Variants in MIA2 observed in about 807,000 individuals in gnomAD.
The protein encoded by MIA2 is MIA SH3 domain ER export factor 2.
In MIA2, 127 loss-of-function variants were observed where a neutral mutation model predicts 167.8. That is an observed-to-expected ratio of 0.76 (90% CI 0.66 to 0.88). The LOEUF is 0.88. Ranked by LOEUF, MIA2 falls within the 40% of genes least tolerant of loss-of-function variation. MIA2 has a pLI of 0.00. For synonymous variants in MIA2, 552 were observed against 541.9 expected (o/e 1.02, Z -0.26); for missense variants, 1,690 against 1,624.7 (o/e 1.04, Z -0.69).
In MIA2 at chr14:39,318,199, G is replaced by A. The variant is rs542970201; in HGVS notation, c.3284+188G>A. On this transcript the variant is annotated intron_variant, in intron 22 of 28. Coordinates refer to ENST00000640607, the MANE Select transcript of MIA2 (RefSeq NM_001329214.4). The stretch of plus-strand genomic sequence containing the variant: ...AGTACTTGTCTTAGGTCACTGAAGT[G>A]GCACTTGGAGGAAACTGTTAACAGA... Among the ~76,000 whole-genome samples the A allele has an allele frequency of 5.9e-5, 9 of 152,254 alleles. No individual in the cohort carries two copies. The South Asian group carries it at 1.9e-3, about 32-fold the overall frequency.
At chr14:39,276,896 A>G in intron 6 of MIA2, 38 bp from the exon 7 acceptor site, 1 of 1,601,224 alleles carries the variant, frequency 6.2e-7, no homozygotes, top group African/African-American at 1.4e-5. Flanking sequence ...TTTTACCAAA[A>G]GTACATTTTT....
chr14:39,292,255 A>G (rs1039030696), intron 10 of MIA2, among the ~76,000 whole-genome samples: 1 of 152,222 alleles, frequency 6.6e-6, no homozygotes, highest in African/African-American at 2.4e-5. Context: ...AGTAGGTAGC[A>G]AAGACATTTA....
chr14:39,359,020 G>A (rs2074607334), intron 23 of MIA2, among the ~76,000 whole-genome samples: 1 of 152,222 alleles, frequency 6.6e-6, no homozygotes, highest in Non-Finnish European at 1.5e-5. Context: ...TGAGGAGGCA[G>A]TCTGTCTGTT....
chr14:39,299,068 T>TAAAAAAA (rs3065043), intron 13 of MIA2, among the ~76,000 whole-genome samples: 27 of 44,022 alleles, frequency 6.1e-4, no homozygotes, highest in Middle Eastern at 0.017. Flanking sequence ...TCCCTGCCTC[T>TAAAAAAA]AAAAAAAAAA....
At chr14:39,245,093 T>TTTTTTTTTA (rs2054236757) in intron 3 of MIA2, among the ~76,000 whole-genome samples, 1 of 150,602 alleles carries the variant, frequency 6.6e-6, no homozygotes, top group Non-Finnish European at 1.5e-5. Context: ...TTTTTTTTTT[T>TTTTTTTTTA]AAAGACAGGA....
chr14:39,350,881 A>T (rs1316212940), downstream of MIA2: 1 of 152,180 alleles, frequency 6.6e-6, no homozygotes, highest in African/African-American at 2.4e-5. Context: ...TTTTAAAGAT[A>T]ACCAGGATAT....
intron 25 of MIA2, among the ~76,000 whole-genome samples, chr14:39,335,282 A>G (rs1311216300): frequency 6.6e-6 from 1 of 152,198 alleles, no homozygotes; most frequent in East Asian, 1.9e-4. Flanking sequence ...ATGACAACTA[A>G]AATAACTAAG....
At chr14:39,333,278 T>TA (rs1238171593) in intron 25 of MIA2, among the ~76,000 whole-genome samples, 1 of 152,194 alleles carries the variant, frequency 6.6e-6, no homozygotes, top group Non-Finnish European at 1.5e-5. Flanking sequence ...CTAAGAGTGT[T>TA]ACTGGTCTTG....
chr14:39,363,320 A>C (rs917378428), intron 23 of MIA2, among the ~76,000 whole-genome samples: 4 of 152,222 alleles, frequency 2.6e-5, no homozygotes, highest in Admixed American at 2.6e-4. Flanking sequence ...TCTTGAGACC[A>C]GGATTTCGAG....
At chr14:39,254,745 G>A (rs1716008834) in intron 6 of MIA2, among the ~76,000 whole-genome samples, 2 of 152,174 alleles carry the variant, frequency 1.3e-5, no homozygotes, top group Non-Finnish European at 2.9e-5. Flanking sequence ...CAAATATTCA[G>A]AGTAAAATAA....
chr14:39,275,985 G>A (rs575979699), intron 6 of MIA2, among the ~76,000 whole-genome samples: 4 of 152,276 alleles, frequency 2.6e-5, no homozygotes. Context: ...GTTCTTATAG[G>A]CAGAAAGGGC....
chr14:39,256,911 C>T (rs577225740), intron 6 of MIA2, among the ~76,000 whole-genome samples: 19 of 152,088 alleles, frequency 1.2e-4, no homozygotes, highest in Admixed American at 2.6e-4. Flanking sequence ...TAACGGTAAT[C>T]AAGTTGGTTT....
At chr14:39,297,386 C>T (rs1199978006) in intron 13 of MIA2, among the ~76,000 whole-genome samples, 1 of 152,140 alleles carries the variant, frequency 6.6e-6, no homozygotes, top group Non-Finnish European at 1.5e-5. Flanking sequence ...GCCACCACGC[C>T]TGGCCAGGTT....
chr14:39,312,887 TTGTGTGTGTG>T (rs35409851), intron 18 of MIA2, among the ~76,000 whole-genome samples: 1 of 150,094 alleles, frequency 6.7e-6, no homozygotes, highest in Non-Finnish European at 1.5e-5. Flanking sequence ...GTAATTATAA[TTGTGTGTGTG>T]TGTGTGTGTG....
intron 24 of MIA2, 27 bp from the exon 25 acceptor site, chr14:39,326,837 T>G: frequency 1.4e-6 from 2 of 1,438,534 alleles, no homozygotes; most frequent in Admixed American, 2.8e-5. Flanking sequence ...ATGAAACAGA[T>G]TTGTATGTTT....
At chr14:39,315,275 G>A (rs2065190668) in intron 20 of MIA2, 1 of 159,578 alleles carries the variant, frequency 6.3e-6, no homozygotes, top group African/African-American at 2.4e-5. Flanking sequence ...TTGCACTCCA[G>A]CCTGGGTGAC....
chr14:39,265,974 G>C, intron 6 of MIA2: 3 of 985,412 alleles, frequency 3.0e-6, no homozygotes, highest in Non-Finnish European at 3.6e-6. Context: ...TGGCAAAGGA[G>C]AAATAGCAAT....
intron 25 of MIA2, among the ~76,000 whole-genome samples, chr14:39,338,508 GTTTAA>G (rs2071005756): frequency 6.6e-6 from 1 of 151,978 alleles, no homozygotes; most frequent in Non-Finnish European, 1.5e-5. Context: ...TTTTTCATAA[GTTTAA>G]TTAGAAAACT....
chr14:39,247,212 A>C lies in MIA2; in HGVS notation c.638A>C (p.His213Pro). Residue 213 changes from histidine (H) to proline (P), a missense_variant, in exon 4 of 29, where the codon CAT becomes CCT. Coordinates refer to ENST00000640607, the MANE Select transcript of MIA2 (RefSeq NM_001329214.4). The part of the protein sequence containing the change: ...SMEQDRIPEV[H>P]VPPSSAVSGV... ...GAACAGGATCGTATTCCAGAAGTGC[A>C]TGTCCCACCATCTTCAGCTGTGTCT... 1 of 1,614,172 alleles carries C rather than the reference A, an allele frequency of 6.2e-7. No individual in the cohort carries two copies. Among genetic ancestry groups the C allele is most frequent in the Non-Finnish European group, 8.5e-7 (1 of 1,180,028 alleles).
Sources: gnomAD v4.1 joint callset for allele counts (sites outside exome capture counted in the v4.1 genomes callset) on GRCh38, gnomAD v4.1.1 for gene constraint, MANE v1.5 for transcripts, NCBI Gene and HGNC (gene_info 2026-07-23, HGNC 2026-07-21) for gene names.